The following WDFY2 variants were observed in gnomAD, a reference collection of about 807,000 sequenced individuals.
WDFY2 encodes the protein WD repeat and FYVE domain containing 2.
Under a neutral mutation model 56.4 loss-of-function variants are expected in WDFY2, and 36 were observed. The ratio of observed to expected loss-of-function variants is 0.64; its 90% confidence interval spans 0.49 to 0.84. WDFY2 has a LOEUF of 0.84. Among genes scored for constraint, WDFY2 ranks in the 40% least tolerant of loss-of-function variants. The pLI, the probability that WDFY2 is intolerant of heterozygous loss-of-function variation, is 0.00. For missense variants in WDFY2, 444 were observed against 512.2 expected (o/e 0.87, Z 1.29); for synonymous variants, 176 against 183.7 (o/e 0.96, Z 0.34).
chr13:51,756,472 T>C lies in WDFY2; in HGVS notation c.1064+10T>C, dbSNP rs1953386768. ...CCATCACAGATGAAGAGTAAGTTCC[T>C]GCAGCCTGCAGACCGCTTCAGGTTA... On this transcript the variant is annotated intron_variant, in intron 10 of 11. Transcript: ENST00000298125. The C allele has an allele frequency of 2.5e-6, 4 of 1,612,152 alleles. No individual in the cohort carries two copies. The highest frequency in any genetic ancestry group is 1.3e-5 in the African/African-American group (1 of 74,954).
intron 1 of WDFY2, among the ~76,000 whole-genome samples, chr13:51,650,550 T>G (rs562196726): frequency 6.6e-6 from 1 of 152,012 alleles, no homozygotes; most frequent in Non-Finnish European, 1.5e-5. Context: ...GGCTGTGGGT[T>G]TGTCATAAAT....
intron 1 of WDFY2, chr13:51,599,490 G>A: frequency 6.4e-6 from 1 of 155,780 alleles, no homozygotes; most frequent in Non-Finnish European, 1.5e-5. Context: ...TGAGACAGCT[G>A]GAAACAGTTG....
chr13:51,621,858 A>T (rs1217387095), intron 1 of WDFY2, among the ~76,000 whole-genome samples: 1 of 152,202 alleles, frequency 6.6e-6, no homozygotes, highest in Non-Finnish European at 1.5e-5. Context: ...GAACTGAAGT[A>T]TTATGAGAAA....
chr13:51,593,536 T>C (rs1954090552), intron 1 of WDFY2, among the ~76,000 whole-genome samples: 1 of 152,212 alleles, frequency 6.6e-6, no homozygotes, highest in Admixed American at 6.5e-5. Context: ...AATGTTAGTT[T>C]TGCCATACCT....
chr13:51,697,520 C>A (rs1434847409), intron 3 of WDFY2, among the ~76,000 whole-genome samples: 1 of 151,796 alleles, frequency 6.6e-6, no homozygotes, highest in African/African-American at 2.4e-5. Context: ...GTAGTCCCAG[C>A]TACTCAGGAG....
At chr13:51,718,550 TATC>T (rs1040818209) in intron 4 of WDFY2, among the ~76,000 whole-genome samples, 1 of 139,856 alleles carries the variant, frequency 7.2e-6, no homozygotes, top group Admixed American at 7.6e-5. Context: ...TTGCTCTTAT[TATC>T]ATTCATACAC....
chr13:51,620,832 G>C (rs1434916070), intron 1 of WDFY2, among the ~76,000 whole-genome samples: 1 of 152,032 alleles, frequency 6.6e-6, no homozygotes, highest in Non-Finnish European at 1.5e-5. Flanking sequence ...TCTCTCACCC[G>C]GTCAGCACTG....
At chr13:51,590,788 T>A (rs960369736) in intron 1 of WDFY2, 1 of 152,024 alleles carries the variant, frequency 6.6e-6, no homozygotes, top group Non-Finnish European at 1.5e-5. Context: ...AAAACTCCCC[T>A]TGTGCAACTT....
At chr13:51,597,355 A>C (rs551829109) in intron 1 of WDFY2, among the ~76,000 whole-genome samples, 17 of 152,338 alleles carry the variant, frequency 1.1e-4, no homozygotes, top group Middle Eastern at 3.4e-3. Flanking sequence ...TGATGTCCTT[A>C]CCATTATATA....
intron 4 of WDFY2, among the ~76,000 whole-genome samples, chr13:51,717,279 T>G (rs1342647113): frequency 1.3e-5 from 2 of 151,914 alleles, no homozygotes; most frequent in African/African-American, 2.4e-5. Flanking sequence ...GTATGTGATC[T>G]GAGTTTTGGG....
At chr13:51,683,649 T>G (rs1956013683) in intron 3 of WDFY2, among the ~76,000 whole-genome samples, 1 of 152,216 alleles carries the variant, frequency 6.6e-6, no homozygotes. Flanking sequence ...AGAGCCAAAA[T>G]GCATGAAGGA....
intron 6 of WDFY2, among the ~76,000 whole-genome samples, chr13:51,731,345 A>G (rs942763817): frequency 1.3e-5 from 2 of 152,218 alleles, no homozygotes; most frequent in Admixed American, 6.5e-5. Flanking sequence ...CATATGGTTC[A>G]AAGGTCCCGT....
Position 51,584,645 on chromosome 13 carries a change from CGGCGCGGTTGGCGGCGGCGCCCCA to C in WDFY2, c.-36_-13del, listed in dbSNP as rs778373656. 21 of 1,587,588 alleles carry C rather than the reference CGGCGCGGTTGGCGGCGGCGCCCCA, an allele frequency of 1.3e-5. No homozygotes were observed. In the African/African-American group the frequency reaches 2.7e-4, roughly 20 times the overall value. On this transcript the variant is annotated 5_prime_UTR_variant, in exon 1 of 12. Coordinates refer to ENST00000298125, the MANE Select transcript of WDFY2 (RefSeq NM_052950.4). ...CAGCAGTCTCCTCAGCCCGGCCCCG[CGGCGCGGTTGGCGGCGGCGCCCCA>C]GGCGCGCCCCCTCCTCCGATGGCGG... is the stretch of plus-strand genomic sequence containing the variant.
At position 51,733,740 on chromosome 13, in the gene WDFY2, C is replaced by T. The variant is rs150857663; in HGVS notation, c.599-5309C>T. Among the ~76,000 whole-genome samples the T allele has an allele frequency of 1.2e-4, 19 of 152,214 alleles. 1 individual carries two copies. In the East Asian group the frequency reaches 2.5e-3, roughly 20 times the overall value. ...ATCTGTTTGGAGAACAGGGGTCAGCCGCATTTGGTAACTGCATGGAGTAGC... is the reference window on the plus strand; with the variant it reads ...ATCTGTTTGGAGAACAGGGGTCAGCTGCATTTGGTAACTGCATGGAGTAGC... On this transcript the variant is annotated intron_variant, in intron 6 of 11. Transcript: ENST00000298125.
chr13:51,618,294 G>A (rs946740924), intron 1 of WDFY2, among the ~76,000 whole-genome samples: 3 of 152,038 alleles, frequency 2.0e-5, no homozygotes, highest in Non-Finnish European at 1.5e-5. Context: ...TTTGCTTTAG[G>A]CTCACAGATG....
intron 1 of WDFY2, among the ~76,000 whole-genome samples, chr13:51,639,211 T>C (rs1158641549): frequency 1.3e-5 from 2 of 152,180 alleles, no homozygotes; most frequent in African/African-American, 4.8e-5. Flanking sequence ...TCAAGGAACA[T>C]TGATGCACAA....
At chr13:51,738,714 A>C (rs1232650576) in intron 6 of WDFY2, among the ~76,000 whole-genome samples, 1 of 152,206 alleles carries the variant, frequency 6.6e-6, no homozygotes, top group Non-Finnish European at 1.5e-5. Flanking sequence ...CAGTTAAGAA[A>C]ATGTGGTTAA....
At chr13:51,602,218 A>G (rs1377899627) in intron 1 of WDFY2, among the ~76,000 whole-genome samples, 1 of 152,228 alleles carries the variant, frequency 6.6e-6, no homozygotes, top group Non-Finnish European at 1.5e-5. Context: ...ATAGATTATA[A>G]TGGAGCTGAA....
At chr13:51,723,550 C>T (rs1212627041) in intron 5 of WDFY2, among the ~76,000 whole-genome samples, 3 of 152,142 alleles carry the variant, frequency 2.0e-5, no homozygotes, top group Non-Finnish European at 4.4e-5. Context: ...TGTCATTTAA[C>T]TTGCTCCTTT....
Sources: gnomAD v4.1 joint callset for allele counts (sites outside exome capture counted in the v4.1 genomes callset) on GRCh38, gnomAD v4.1.1 for gene constraint, MANE v1.5 for transcripts, NCBI Gene and HGNC (gene_info 2026-07-23, HGNC 2026-07-21) for gene names.